Variants in CTNNA2 observed in about 807,000 individuals in gnomAD.
CTNNA2 encodes the protein catenin alpha-2.
Under a neutral mutation model 101.0 loss-of-function variants are expected in CTNNA2, and 42 were observed. The ratio of observed to expected loss-of-function variants is 0.42; its 90% CI spans 0.32 to 0.54. The LOEUF (loss-of-function observed/expected upper bound fraction) is 0.54. CTNNA2 is among the 20% of genes least tolerant of loss of function. CTNNA2 has a pLI of 0.14. For missense variants in CTNNA2, 871 were observed against 1,223.1 expected, an observed-to-expected ratio of 0.71 and a Z score of 4.29; for synonymous variants, 450 against 456.4, an observed-to-expected ratio of 0.99 and a Z score of 0.18.
chr2:80,216,212 G>T (rs1462105201), intron 7 of CTNNA2, among the ~76,000 whole-genome samples: 2 of 152,144 alleles, frequency 1.3e-5, no homozygotes, highest in Non-Finnish European at 2.9e-5. Context: ...GTGCTTCCAA[G>T]GTGAGGTGAT....
intron 6 of CTNNA2, among the ~76,000 whole-genome samples, chr2:79,874,739 C>T (rs966549933): frequency 1.3e-5 from 2 of 152,044 alleles, no homozygotes; most frequent in African/African-American, 4.8e-5. Flanking sequence ...ACTCGGGAGG[C>T]GGAGATTGCG....
chr2:79,897,687 A>G (rs116125108), intron 6 of CTNNA2, among the ~76,000 whole-genome samples: 5 of 152,332 alleles, frequency 3.3e-5, no homozygotes, highest in Admixed American at 6.5e-5. Context: ...CAAGCCATCT[A>G]TCTTAGTCCA....
intron 7 of CTNNA2, among the ~76,000 whole-genome samples, chr2:80,295,432 C>A (rs1675661122): frequency 6.6e-6 from 1 of 152,176 alleles, no homozygotes; most frequent in Admixed American, 6.5e-5. Context: ...TCTCTGAAGC[C>A]CCTGACTCTC....
rs141551875 is a variant in CTNNA2 at position 80,306,674 on chromosome 2, A to G, written c.1057-86537A>G. Among the ~76,000 whole-genome samples, 964 of 152,054 alleles carry G rather than the reference A, an allele frequency of 6.3e-3. 13 individuals carry two copies. Among genetic ancestry groups the G allele is most frequent in the African/African-American group, 0.022 (914 of 41,452 alleles). On this transcript the variant is annotated intron_variant, in intron 7 of 18. Coordinates refer to ENST00000402739, the MANE Select transcript of CTNNA2 (RefSeq NM_001282597.3). The stretch of plus-strand genomic sequence containing the variant: ...TGACAGCAGGCCAGCTGATGGAGCC[A>G]TAAACTCTAAAGGGTTGGGAGGTGG...
At chr2:79,632,076 G>C (rs1298451629) in intron 1 of CTNNA2, among the ~76,000 whole-genome samples, 1 of 152,128 alleles carries the variant, frequency 6.6e-6, no homozygotes, top group Admixed American at 6.6e-5. Flanking sequence ...GGTTTTAGAT[G>C]TGTATCTTTT....
intron 4 of CTNNA2, among the ~76,000 whole-genome samples, chr2:79,864,627 G>T (rs976828685): frequency 6.6e-6 from 1 of 152,204 alleles, no homozygotes; most frequent in Non-Finnish European, 1.5e-5. Context: ...GACAATGGCA[G>T]TGTTTATTGT....
intron 7 of CTNNA2, among the ~76,000 whole-genome samples, chr2:80,199,361 A>T (rs1016173628): frequency 6.6e-6 from 1 of 152,262 alleles, no homozygotes; most frequent in South Asian, 2.1e-4. Context: ...GAGTTAAGAC[A>T]TAGAGGGTTT....
intron 9 of CTNNA2, among the ~76,000 whole-genome samples, chr2:80,515,063 T>G (rs774831675): frequency 6.6e-6 from 1 of 152,148 alleles, no homozygotes; most frequent in Non-Finnish European, 1.5e-5. Flanking sequence ...CAGGGAGATT[T>G]GCAGCACACA....
At chr2:80,005,714 G>T (rs557387162) in intron 7 of CTNNA2, among the ~76,000 whole-genome samples, 1 of 151,210 alleles carries the variant, frequency 6.6e-6, no homozygotes, top group East Asian at 2.0e-4. Flanking sequence ...CAATTTATTT[G>T]ATCATACTAT....
At chr2:79,810,415 C>T (rs917920657) in intron 3 of CTNNA2, among the ~76,000 whole-genome samples, 1 of 152,066 alleles carries the variant, frequency 6.6e-6, no homozygotes, top group Non-Finnish European at 1.5e-5. Flanking sequence ...ATTCATTTAT[C>T]TCCCCCTGGG....
intron 2 of CTNNA2, among the ~76,000 whole-genome samples, chr2:79,719,853 T>C (rs538225062): frequency 6.6e-6 from 1 of 152,308 alleles, no homozygotes; most frequent in Admixed American, 6.5e-5. Context: ...GCCTGTTTAC[T>C]CTATCTACTG....
At chr2:80,197,758 A>T (rs902366513) in intron 7 of CTNNA2, among the ~76,000 whole-genome samples, 3 of 152,138 alleles carry the variant, frequency 2.0e-5, no homozygotes, top group Admixed American at 6.5e-5. Context: ...ACTGATGTGG[A>T]ATTATCTTCA....
chr2:80,466,175 T>C (rs6727872), intron 9 of CTNNA2, among the ~76,000 whole-genome samples: 64,578 of 152,016 alleles, frequency 0.42, 16,455 homozygotes, highest in African/African-American at 0.69. Context: ...ATCGGCATTC[T>C]AGCGTATAAA....
intron 7 of CTNNA2, among the ~76,000 whole-genome samples, chr2:80,324,144 T>C (rs968033226): frequency 1.3e-5 from 2 of 152,160 alleles, no homozygotes; most frequent in African/African-American, 4.8e-5. Context: ...AAAATATGAA[T>C]TGTTACAAAT....
chr2:80,215,086 G>A (rs934138328), intron 7 of CTNNA2, among the ~76,000 whole-genome samples: 7 of 151,864 alleles, frequency 4.6e-5, no homozygotes, highest in Non-Finnish European at 7.4e-5. Flanking sequence ...CATAGTTCTC[G>A]TGCCATGGTT....
chr2:80,393,497 A>T (rs188930775), intron 8 of CTNNA2, among the ~76,000 whole-genome samples: 33 of 152,322 alleles, frequency 2.2e-4, no homozygotes, highest in Non-Finnish European at 4.3e-4. Context: ...ACAGTTCCTG[A>T]GCAGGTGGCT....
intron 7 of CTNNA2, among the ~76,000 whole-genome samples, chr2:80,318,786 C>G (rs1678385607): frequency 6.6e-6 from 1 of 152,048 alleles, no homozygotes; most frequent in Non-Finnish European, 1.5e-5. Context: ...GGCCTTTCAA[C>G]AGAGTGTTAG....
At chr2:79,263,034 C>T (rs990593234) in intron 2 of CTNNA2, among the ~76,000 whole-genome samples, 9 of 152,074 alleles carry the variant, frequency 5.9e-5, no homozygotes, top group African/African-American at 2.2e-4. Flanking sequence ...AAATAGTAAA[C>T]ACTTCAGTCA....
At chr2:80,462,120 G>A (rs189915038) in intron 9 of CTNNA2, among the ~76,000 whole-genome samples, 18 of 152,316 alleles carry the variant, frequency 1.2e-4, no homozygotes, top group Admixed American at 1.0e-3. Context: ...AACTCCTGCT[G>A]TATTCTAGGC....
Sources: gnomAD v4.1 joint callset for allele counts (sites outside exome capture counted in the v4.1 genomes callset) on GRCh38, gnomAD v4.1.1 for gene constraint, MANE v1.5 for transcripts, NCBI Gene and HGNC (gene_info 2026-07-23, HGNC 2026-07-21) for gene names.